PROX1: variants seen among roughly 807,000 people sequenced by gnomAD.
The protein encoded by PROX1 is prospero homeobox 1, also known as prospero homeobox protein 1.
A neutral mutation model predicts 58.8 loss-of-function variants in PROX1; 7 were observed. That is an observed-to-expected ratio of 0.12 (90% CI 0.07 to 0.22). The LOEUF (loss-of-function observed/expected upper bound fraction) is 0.22, where lower values mean the gene tolerates loss of function less well. Among genes scored for constraint, PROX1 ranks in the 10% least tolerant of loss-of-function variants. PROX1 has a pLI of 1.00. For missense variants in PROX1, 675 were observed against 927.8 expected, an observed-to-expected ratio of 0.73 and a Z score of 3.54; for synonymous variants, 350 against 358.3, an observed-to-expected ratio of 0.98 and a Z score of 0.26.
chr1:214,011,027 A>G, intron 3 of PROX1, among the ~76,000 whole-genome samples: 1 of 152,166 alleles, frequency 6.6e-6, no homozygotes, highest in East Asian at 1.9e-4. Context: ...TTTTGTGGGA[A>G]GGCCATTTGT....
At chr1:214,010,467 T>C (rs1215902606) in intron 3 of PROX1, among the ~76,000 whole-genome samples, 1 of 152,212 alleles carries the variant, frequency 6.6e-6, no homozygotes, top group Non-Finnish European at 1.5e-5. Flanking sequence ...ATAAGTGCTC[T>C]TTGTTGATTT....
At position 214,037,471 on chromosome 1, in the gene PROX1, C is replaced by T. The variant is rs879692017; in HGVS notation, c.*1637C>T. On this transcript the variant is annotated 3_prime_UTR_variant, in exon 5 of 5. Transcript: ENST00000366958. ...GACCCATGTGACTGACTAGCTGACCCGATCGCTGTAATTTAACGTCATTTA... is the reference window on the plus strand; with the variant it reads ...GACCCATGTGACTGACTAGCTGACCTGATCGCTGTAATTTAACGTCATTTA... The T allele has an allele frequency of 9.9e-5, 15 of 152,142 alleles. No individual in the cohort carries two copies. The highest frequency in any genetic ancestry group is 7.9e-4 in the Admixed American group (12 of 15,270). The allele number at this position is 152,142 out of a possible 1,614,324, so 9.4% of individuals were successfully genotyped here.
chr1:214,021,327 C>T (rs973370522), intron 4 of PROX1, among the ~76,000 whole-genome samples: 8 of 152,138 alleles, frequency 5.3e-5, no homozygotes, highest in African/African-American at 1.4e-4. Context: ...CGGCTCTAAA[C>T]GTGATTCCCC....
intron 2 of PROX1, among the ~76,000 whole-genome samples, chr1:214,001,608 A>C (rs1374141833): frequency 6.6e-6 from 1 of 152,204 alleles, no homozygotes; most frequent in African/African-American, 2.4e-5. Context: ...TTTAGGGAGA[A>C]TGTTAGAAAG....
intron 1 of PROX1, among the ~76,000 whole-genome samples, chr1:213,995,990 T>C (rs1306950734): frequency 6.6e-6 from 1 of 152,216 alleles, no homozygotes; most frequent in Non-Finnish European, 1.5e-5. Context: ...GTCCTTTTCC[T>C]TTAATAGCGT....
chr1:213,985,024 T>A (rs558476662), upstream of PROX1: 30 of 152,356 alleles, frequency 2.0e-4, no homozygotes, highest in African/African-American at 7.2e-4. Flanking sequence ...GCATGGGTGA[T>A]AACTGCGAGT....
At chr1:214,033,930 G>T (rs1012756466) in intron 4 of PROX1, among the ~76,000 whole-genome samples, 75 of 152,328 alleles carry the variant, frequency 4.9e-4, no homozygotes, top group African/African-American at 1.5e-3. Context: ...GCAGAGAATG[G>T]CCCTTGAGGT....
intron 4 of PROX1, among the ~76,000 whole-genome samples, chr1:214,033,598 A>T (rs949254127): frequency 3.9e-5 from 6 of 152,180 alleles, no homozygotes; most frequent in African/African-American, 1.2e-4. Flanking sequence ...ACTCCATCTC[A>T]AATAAATAAA....
Position 213,990,228 on chromosome 1 carries a change from G to A in PROX1, c.-68+1745G>A, listed in dbSNP as rs1478431015. ...GAAATCTATTAGCAGAGTGCGCATG[G>A]GCAGGGCCTGACAGGTGTGTTGTGT... On this transcript the variant is annotated intron_variant, in intron 1 of 4. Transcript: ENST00000366958. Among the ~76,000 whole-genome samples, 6 of 151,746 alleles carry A rather than the reference G, an allele frequency of 4.0e-5. No homozygotes were observed. In the South Asian group the frequency reaches 6.3e-4, roughly 16 times the overall value.
intron 3 of PROX1, among the ~76,000 whole-genome samples, chr1:214,008,489 G>A (rs929476923): frequency 4.6e-5 from 7 of 152,208 alleles, no homozygotes; most frequent in East Asian, 3.9e-4. Context: ...ATGGTATAAC[G>A]TAATGGTCCA....
chr1:214,023,418 A>G (rs1664351534), intron 4 of PROX1, among the ~76,000 whole-genome samples: 1 of 151,820 alleles, frequency 6.6e-6, no homozygotes, highest in African/African-American at 2.4e-5. Context: ...GTACAGTGGC[A>G]TGATTTCAGC....
chr1:213,983,433 C>T (rs1662748476), upstream of PROX1: 1 of 152,332 alleles, frequency 6.6e-6, no homozygotes, highest in Non-Finnish European at 1.5e-5. Flanking sequence ...GGATCGAGCG[C>T]TTAAAACCCT....
At chr1:213,998,823 G>A (rs1449735342) in intron 2 of PROX1, among the ~76,000 whole-genome samples, 1 of 152,116 alleles carries the variant, frequency 6.6e-6, no homozygotes. Flanking sequence ...TGAGGAGGAA[G>A]AAAAATGGAT....
intron 1 of PROX1, among the ~76,000 whole-genome samples, chr1:213,991,999 C>T (rs946396508): frequency 6.6e-6 from 1 of 152,168 alleles, no homozygotes; most frequent in Non-Finnish European, 1.5e-5. Context: ...CCTGTGCATT[C>T]TCAAAGGACA....
chr1:214,031,069 G>GCGCA (rs1664638038), intron 4 of PROX1, among the ~76,000 whole-genome samples: 5 of 150,672 alleles, frequency 3.3e-5, no homozygotes, highest in Non-Finnish European at 7.4e-5. Context: ...GTGTGTGTGC[G>GCGCA]CGCGCGCGCA....
At chr1:214,025,856 G>C (rs1034583473) in intron 4 of PROX1, among the ~76,000 whole-genome samples, 1 of 152,018 alleles carries the variant, frequency 6.6e-6, no homozygotes, top group Non-Finnish European at 1.5e-5. Flanking sequence ...TAGAGACGGG[G>C]TTTCACCATC....
chr1:214,005,686 T>C (rs1198074040), intron 3 of PROX1, among the ~76,000 whole-genome samples: 1 of 152,206 alleles, frequency 6.6e-6, no homozygotes, highest in East Asian at 1.9e-4. Context: ...CTAGCACCTC[T>C]TTTTCCCCCT....
chr1:214,022,534 G>C (rs1375754756), intron 4 of PROX1, among the ~76,000 whole-genome samples: 1 of 152,200 alleles, frequency 6.6e-6, no homozygotes, highest in Non-Finnish European at 1.5e-5. Flanking sequence ...AAGAGCAAGT[G>C]TTCCTGCTCT....
chr1:213,990,526 GC>G (rs1048908105), intron 1 of PROX1, among the ~76,000 whole-genome samples: 1 of 152,060 alleles, frequency 6.6e-6, no homozygotes, highest in African/African-American at 2.4e-5. Flanking sequence ...GCTTCTGTCT[GC>G]CAGTCAGCCC....
Sources: allele counts gnomAD v4.1 joint callset (sites outside exome capture counted in the v4.1 genomes callset), GRCh38; gene constraint gnomAD v4.1.1; transcripts MANE v1.5; gene names NCBI Gene and HGNC (gene_info 2026-07-23, HGNC 2026-07-21).